The following EPB41L4A variants were observed in gnomAD, a reference collection of about 807,000 sequenced individuals.
The protein encoded by EPB41L4A is band 4.1-like protein 4A.
Under a neutral mutation model 108.6 loss-of-function variants are expected in EPB41L4A, and 100 were observed. The ratio of observed to expected loss-of-function variants is 0.92; its 90% CI spans 0.78 to 1.09. EPB41L4A has a LOEUF of 1.09. Among genes scored for constraint, EPB41L4A ranks in the 50% least tolerant of loss-of-function variants. EPB41L4A has a pLI of 0.00. For missense variants in EPB41L4A, 1,030 were observed against 842.7 expected, an observed-to-expected ratio of 1.22 and a Z score of -2.75; for synonymous variants, 319 against 289.0, an observed-to-expected ratio of 1.10 and a Z score of -1.05.
chr5:112,145,110 C>T (rs1759200837), intron 13 of EPB41L4A, among the ~76,000 whole-genome samples: 1 of 152,234 alleles, frequency 6.6e-6, no homozygotes, highest in Middle Eastern at 3.4e-3. Flanking sequence ...GCCAACATGG[C>T]GAAACCCTGT....
intron 1 of EPB41L4A, among the ~76,000 whole-genome samples, chr5:112,349,393 A>C (rs1757892658): frequency 6.6e-6 from 1 of 152,142 alleles, no homozygotes; most frequent in Non-Finnish European, 1.5e-5. Flanking sequence ...ATAGAGGTGA[A>C]GGGAAGGAGG....
At chr5:112,205,550 A>G (rs780851009) in intron 13 of EPB41L4A, 46 bp from the exon 14 acceptor site, 10 of 1,395,146 alleles carry the variant, frequency 7.2e-6, no homozygotes, top group Non-Finnish European at 1.0e-5. Flanking sequence ...AGTAGAAAAT[A>G]AAAGTAAACT....
chr5:112,395,573 G>A (rs569476463), intron 1 of EPB41L4A, among the ~76,000 whole-genome samples: 18 of 152,206 alleles, frequency 1.2e-4, no homozygotes, highest in East Asian at 3.9e-4. Context: ...TTAGAATGGC[G>A]ATCATTAAAA....
At chr5:112,300,831 G>A (rs1006113987) in intron 2 of EPB41L4A, among the ~76,000 whole-genome samples, 2 of 152,150 alleles carry the variant, frequency 1.3e-5, no homozygotes, top group Admixed American at 1.3e-4. Flanking sequence ...TGGAGGTTTT[G>A]TTCATTTTTT....
intron 1 of EPB41L4A, among the ~76,000 whole-genome samples, chr5:112,347,006 T>C (rs1757721532): frequency 6.6e-6 from 1 of 152,210 alleles, no homozygotes; most frequent in Admixed American, 6.5e-5. Context: ...GCCAGCTGTA[T>C]ATCTGACCCT....
intron 13 of EPB41L4A, among the ~76,000 whole-genome samples, chr5:112,208,335 AT>A (rs1762569864): frequency 6.6e-6 from 1 of 152,042 alleles, no homozygotes; most frequent in East Asian, 1.9e-4. Flanking sequence ...CTAGATGACC[AT>A]GAACAGTGGA....
intron 17 of EPB41L4A, 86 bp downstream of exon 17, chr5:112,194,482 C>G: frequency 2.7e-6 from 2 of 737,716 alleles, no homozygotes; most frequent in Non-Finnish European, 4.3e-6. Context: ...ATGGAAAAAA[C>G]AGACTTACAA....
At chr5:112,158,676 C>G (rs554101686), downstream of EPB41L4A, among the ~76,000 whole-genome samples, 7 of 152,312 alleles carry the variant, frequency 4.6e-5, no homozygotes, top group East Asian at 1.3e-3. Flanking sequence ...GAAGCAAACA[C>G]ATCCTTTTGC....
chr5:112,357,304 A>G (rs1183134175), intron 1 of EPB41L4A, among the ~76,000 whole-genome samples: 1 of 152,240 alleles, frequency 6.6e-6, no homozygotes, highest in Admixed American at 6.5e-5. Context: ...AGCTGCCCAT[A>G]ATAATCTGAA....
intron 4 of EPB41L4A, among the ~76,000 whole-genome samples, chr5:112,273,122 A>G (rs1752381684): frequency 6.6e-6 from 1 of 152,220 alleles, no homozygotes; most frequent in African/African-American, 2.4e-5. Flanking sequence ...AGGTACATTA[A>G]TGGTAATATA....
intron 11 of EPB41L4A, among the ~76,000 whole-genome samples, chr5:112,239,231 A>C (rs948082096): frequency 6.6e-6 from 1 of 152,272 alleles, no homozygotes; most frequent in Non-Finnish European, 1.5e-5. Context: ...TACTACATGC[A>C]GGCTTCATGT....
chr5:112,170,149 A>T, intron 20 of EPB41L4A, 152 bp downstream of exon 20: 1 of 702,526 alleles, frequency 1.4e-6, no homozygotes, highest in Non-Finnish European at 2.4e-6. Flanking sequence ...GCTTTAATGC[A>T]CACTTTTCTT....
intron 1 of EPB41L4A, among the ~76,000 whole-genome samples, chr5:112,314,015 C>G (rs994540956): frequency 6.6e-6 from 1 of 151,894 alleles, no homozygotes; most frequent in Non-Finnish European, 1.5e-5. Flanking sequence ...AGGTGCCCAC[C>G]ACCATGCCCG....
chr5:112,195,935 C>G (rs1195182634), intron 15 of EPB41L4A, among the ~76,000 whole-genome samples: 1 of 152,170 alleles, frequency 6.6e-6, no homozygotes, highest in Non-Finnish European at 1.5e-5. Context: ...GCAAACCGTC[C>G]GAATTCCATT....
intron 12 of EPB41L4A, among the ~76,000 whole-genome samples, chr5:112,230,652 G>A (rs777849108): frequency 2.6e-5 from 4 of 151,924 alleles, no homozygotes; most frequent in African/African-American, 9.7e-5. Flanking sequence ...CATAGTTTGC[G>A]AATATTTTCT....
chr5:112,172,082 G>A lies in EPB41L4A; in HGVS notation c.1623-1090C>T, dbSNP rs1349862219. Among the ~76,000 whole-genome samples, 5 of 152,058 alleles carry A rather than the reference G, an allele frequency of 3.3e-5. No individual in the cohort carries two copies. In the South Asian group the frequency reaches 8.3e-4, roughly 25 times the overall value. ...GACCAAATGGTTTTTCCTTTGTGCA[G>A]GGGGAAAAAAGTGATCTGTCTATAA... is the stretch of plus-strand genomic sequence containing the variant. On this transcript the variant is annotated intron_variant, in intron 18 of 22. Transcript: ENST00000261486.
At chr5:112,395,888 AT>A (rs1183241223) in intron 1 of EPB41L4A, among the ~76,000 whole-genome samples, 4 of 152,334 alleles carry the variant, frequency 2.6e-5, no homozygotes, top group Admixed American at 2.0e-4. Context: ...AATGTGGCAC[AT>A]TATACACCAT....
intron 12 of EPB41L4A, among the ~76,000 whole-genome samples, chr5:112,225,992 A>C (rs968889811): frequency 1.3e-5 from 2 of 152,212 alleles, no homozygotes; most frequent in Non-Finnish European, 2.9e-5. Flanking sequence ...AGCACATGGT[A>C]ATGCTCAGCG....
chr5:112,313,655 T>C (rs1755193917), intron 1 of EPB41L4A, among the ~76,000 whole-genome samples: 1 of 152,116 alleles, frequency 6.6e-6, no homozygotes. Context: ...CTTGCAATTC[T>C]TGAAAAGAAA....
Sources: gnomAD v4.1 joint callset for allele counts (sites outside exome capture counted in the v4.1 genomes callset) on GRCh38, gnomAD v4.1.1 for gene constraint, MANE v1.5 for transcripts, NCBI Gene and HGNC (gene_info 2026-07-23, HGNC 2026-07-21) for gene names.